The following FMR1 variants were observed in gnomAD, a reference collection of about 807,000 sequenced individuals.
FMR1 encodes fragile X messenger ribonucleoprotein 1.
In FMR1, 13 loss-of-function variants were observed where a neutral mutation model predicts 50.6. That is an observed-to-expected ratio of 0.26 (90% CI 0.17 to 0.41). FMR1 has a LOEUF of 0.41. Ranked by LOEUF, FMR1 falls within the 10% of genes least tolerant of loss-of-function variation. The pLI, the probability that FMR1 is intolerant of heterozygous loss-of-function variation, is 1.00. For missense variants in FMR1, 316 were observed against 491.3 expected (o/e 0.64, Z 3.37); for synonymous variants, 138 against 164.1 (o/e 0.84, Z 1.22).
Position 147,944,635 on chromosome X carries a change from T to C in FMR1, c.1472-234T>C, listed in dbSNP as rs782232311. On this transcript the variant is annotated intron_variant, in intron 14 of 16. Coordinates refer to ENST00000370475, the MANE Select transcript of FMR1 (RefSeq NM_002024.6). ...TTAGGTGGCTAATAACATACCTTTT[T>C]AAAAATGAGAATGAAACATGTTTAT... The C allele has an allele frequency of 2.2e-5, 23 of 1,033,179 alleles. No homozygotes were observed. In the East Asian group the frequency reaches 7.8e-4, roughly 35 times the overall value. The allele number at this position is 1,033,179 out of a possible 1,213,427, so 85.1% of individuals were successfully genotyped here.
intron 13 of FMR1, among the ~76,000 whole-genome samples, chrX:147,942,102 T>C (rs1192049438): frequency 8.9e-6 from 1 of 112,839 alleles, no homozygotes; most frequent in East Asian, 2.8e-4. Flanking sequence ...TTGCTAATGA[T>C]GGCAGAGCAC....
At chrX:147,948,274 C>A (rs1402832713) in intron 16 of FMR1, 1 of 199,191 alleles carries the variant, frequency 5.0e-6, no homozygotes, top group Non-Finnish European at 8.0e-6. Context: ...CATTTTGTTT[C>A]TCTTTTCCTG....
At chrX:147,917,634 G>C (rs186059683) in intron 1 of FMR1, among the ~76,000 whole-genome samples, 1 of 111,602 alleles carries the variant, frequency 9.0e-6, no homozygotes, top group East Asian at 2.8e-4. Flanking sequence ...GAGTGCTTTT[G>C]TTGGGATGTA....
At chrX:147,946,438 G>A (rs1223615352) in intron 16 of FMR1, among the ~76,000 whole-genome samples, 1 of 112,457 alleles carries the variant, frequency 8.9e-6, no homozygotes, top group Admixed American at 9.4e-5. Context: ...GACCTAGTCC[G>A]AGGATCTCTT....
intron 1 of FMR1, among the ~76,000 whole-genome samples, chrX:147,919,627 A>G (rs1557176040): frequency 8.9e-6 from 1 of 112,619 alleles, no homozygotes; most frequent in African/African-American, 3.2e-5. Context: ...TAACTTAAAA[A>G]TAATTATTTA....
chrX:147,933,304 A>G (rs1227491255), intron 9 of FMR1: 1 of 395,370 alleles, frequency 2.5e-6, no homozygotes, highest in African/African-American at 2.6e-5. Context: ...ATTTTTCAAA[A>G]TGAATGATAT....
At chrX:147,936,643 C>A in intron 10 of FMR1, 30 bp downstream of exon 10, 2 of 934,542 alleles carry the variant, frequency 2.1e-6, no homozygotes, top group Non-Finnish European at 3.1e-6. Flanking sequence ...TTTTGTGGCA[C>A]ATATAATAAA....
chrX:147,940,295 A>G (rs2043959698), intron 12 of FMR1: 1 of 319,154 alleles, frequency 3.1e-6, no homozygotes, highest in African/African-American at 2.7e-5. Flanking sequence ...AGCTTGTATA[A>G]TTTTGAATTA....
chrX:147,945,080 G>C, intron 15 of FMR1, 29 bp downstream of exon 15: 1 of 1,166,343 alleles, frequency 8.6e-7, no homozygotes. Flanking sequence ...AGAAATCAAA[G>C]TGAATTGTAA....
In FMR1 at chrX:147,943,320, A is replaced by C; in HGVS notation, c.1465A>C (p.Thr489Pro). The change falls in exon 14 of 17, where the codon ACT becomes CCT. Residue 489 changes from threonine (T) to proline (P), a missense_variant. By Grantham distance (38) the Thr-to-Pro change is conservative. Around this residue, in one of 4 missense-constraint regions of FMR1, gnomAD observed 124 missense variants for 160.8 expected, o/e 0.77. Coordinates refer to ENST00000370475, the MANE Select transcript of FMR1 (RefSeq NM_002024.6). Reference sequence around the variant, plus strand: ...GCACGGCAGACGCGGTCCTGGATATACTTCAGGTACAAACTAAGCATTTTA... The same window carrying C: ...GCACGGCAGACGCGGTCCTGGATATCCTTCAGGTACAAACTAAGCATTTTA... Reference protein sequence around the residue: ...RGHGRRGPGYTSGTNSEASNA... With the variant: ...RGHGRRGPGYPSGTNSEASNA... The C allele has an allele frequency of 8.3e-7, 1 of 1,202,091 alleles. No homozygotes were observed. Among genetic ancestry groups the C allele is most frequent in the Non-Finnish European group, 1.1e-6 (1 of 886,820 alleles).
intron 1 of FMR1, among the ~76,000 whole-genome samples, chrX:147,920,534 C>T (rs1281239065): frequency 2.7e-5 from 3 of 111,347 alleles, no homozygotes; most frequent in African/African-American, 9.8e-5. Context: ...TACCTTTTCC[C>T]TAAGGCTGGG....
chrX:147,947,000 T>C (rs1004294813), intron 16 of FMR1: 4 of 112,679 alleles, frequency 3.5e-5, no homozygotes, highest in African/African-American at 1.3e-4. Flanking sequence ...CTTAAACTGA[T>C]ATGTTTGATG....
intron 2 of FMR1, among the ~76,000 whole-genome samples, chrX:147,922,245 A>G (rs1306858483): frequency 9.0e-6 from 1 of 111,682 alleles, no homozygotes; most frequent in African/African-American, 3.2e-5. Context: ...GAAACCAGAG[A>G]GTCTTGTGTA....
chrX:147,912,888 C>G, intron 1 of FMR1: 1 of 291,796 alleles, frequency 3.4e-6, no homozygotes. Context: ...CAGGAAGACC[C>G]TAACATGGCC....
At chrX:147,913,553 A>C (rs1406412803) in intron 1 of FMR1, 2 of 112,170 alleles carry the variant, frequency 1.8e-5, no homozygotes, top group Non-Finnish European at 3.8e-5. Context: ...TAGGAAAATA[A>C]ACAATTGACT....
intron 1 of FMR1, chrX:147,913,023 T>TTG (rs1209644793): frequency 8.4e-6 from 2 of 237,950 alleles, no homozygotes; most frequent in East Asian, 6.3e-5. Flanking sequence ...TACTTAAAAA[T>TTG]TGTGTGTGTG....
chrX:147,942,833 G>A (rs1207413909), intron 13 of FMR1, among the ~76,000 whole-genome samples: 2 of 112,390 alleles, frequency 1.8e-5, no homozygotes, highest in African/African-American at 6.5e-5. Context: ...TGCCTTAGCA[G>A]TAGAATAATT....
intron 1 of FMR1, chrX:147,913,441 G>C (rs1805422): frequency 0.11 from 11,819 of 111,585 alleles, 499 homozygotes; most frequent in South Asian, 0.14. Context: ...TAGAAGGTGC[G>C]TGTGGAAGGA....
intron 1 of FMR1, chrX:147,912,806 A>C (rs781965085): frequency 3.4e-5 from 10 of 295,969 alleles, no homozygotes; most frequent in African/African-American, 5.5e-5. Flanking sequence ...GTCGGCACCA[A>C]ATCACAATGG....
Sources: gnomAD v4.1 joint callset for allele counts (sites outside exome capture counted in the v4.1 genomes callset) on GRCh38, gnomAD v4.1.1 for gene constraint, gnomAD v4.1.1 regional missense constraint, MANE v1.5 for transcripts, NCBI Gene and HGNC (gene_info 2026-07-23, HGNC 2026-07-21) for gene names.